BICRA: variants seen among roughly 807,000 people sequenced by gnomAD.
BICRA encodes BRD4 interacting chromatin remodeling complex associated protein.
BICRA carries 31 observed loss-of-function variants against 96.9 expected under a neutral mutation model. The observed-to-expected ratio is 0.32, with a 90% confidence interval of 0.24 to 0.43. BICRA has a LOEUF of 0.43. Ranked by LOEUF, BICRA falls within the 20% of genes least tolerant of loss-of-function variation. The pLI, the probability that BICRA is intolerant of heterozygous loss-of-function variation, is 1.00. For missense variants in BICRA, 2,283 were observed against 2,190.3 expected (o/e 1.04, Z -0.84); for synonymous variants, 1,350 against 1,071.8 (o/e 1.26, Z -5.07).
intron 1 of BICRA, among the ~76,000 whole-genome samples, chr19:47,668,848 A>C (rs1486939117): frequency 2.0e-5 from 3 of 151,646 alleles, no homozygotes; most frequent in Non-Finnish European, 4.4e-5. Flanking sequence ...GGCCAGGCGC[A>C]GTGGCTCACT....
At chr19:47,634,001 A>G (rs1375698211) in intron 1 of BICRA, among the ~76,000 whole-genome samples, 1 of 152,220 alleles carries the variant, frequency 6.6e-6, no homozygotes, top group African/African-American at 2.4e-5. Context: ...AGAGGTTTCC[A>G]CTAAAAGATC....
intron 1 of BICRA, among the ~76,000 whole-genome samples, chr19:47,648,679 G>GT (rs1257129365): frequency 3.5e-5 from 5 of 144,056 alleles, no homozygotes; most frequent in African/African-American, 1.3e-4. Context: ...TTTTTTTTTT[G>GT]TTTGTTTTTT....
intron 1 of BICRA, among the ~76,000 whole-genome samples, chr19:47,658,193 A>G (rs998653300): frequency 5.9e-5 from 9 of 152,102 alleles, no homozygotes; most frequent in African/African-American, 2.2e-4. Context: ...AGGGGTCTGC[A>G]CTCACTATGG....
At position 47,680,962 on chromosome 19, in the gene BICRA, AC is replaced by A; in HGVS notation, c.1797del (p.Asp600ThrfsTer124). The A allele has an allele frequency of 6.8e-7, 1 of 1,466,334 alleles. No individual in the cohort carries two copies. The highest frequency in any genetic ancestry group is 1.5e-5 in the African/African-American group (1 of 65,754). 90.8% of individuals were successfully genotyped at this position (1,466,334 alleles called of 1,614,324 possible). On this transcript the variant is annotated frameshift_variant, in exon 6 of 15. Transcript: ENST00000594866. LOFTEE classifies it high-confidence loss of function. Reference sequence around the variant, plus strand: ...CCCCAGCGCCGTGGCCATGCTCAACACCCCCGACGGCCTGGTGCAGCCGGCC... The same window carrying A: ...CCCCAGCGCCGTGGCCATGCTCAACACCCCGACGGCCTGGTGCAGCCGGCC... ...LPPSAVAMLN[T>X]PDGLVQPATP...
rs768646880 is a variant in BICRA at position 47,680,184 on chromosome 19, G to A, written c.1014G>A (p.Pro338=). ...GCCTCGGCTCGTCGCCACTGGTCCC[G>A]GCGCCCAACGTGATCCTGCATCGCA... ...APGLGSSPLV[P]APNVILHRTP... is the part of the protein sequence containing the mutation. The change falls in exon 6 of 15, where the codon CCG becomes CCA. Residue 338 remains proline, a synonymous_variant. Coordinates refer to ENST00000594866, the MANE Select transcript of BICRA (RefSeq NM_001394372.1). 57 of 1,541,980 alleles carry A rather than the reference G, an allele frequency of 3.7e-5. No individual in the cohort carries two copies. Among genetic ancestry groups the A allele is most frequent in the Non-Finnish European group, 4.5e-5 (52 of 1,152,922 alleles).
At chr19:47,685,780 TGTGTGTGCGC>T (rs58364395) in intron 7 of BICRA, among the ~76,000 whole-genome samples, 3,184 of 130,998 alleles carry the variant, frequency 0.024, 105 homozygotes, top group African/African-American at 0.089. Flanking sequence ...TGTGTGTGTG[TGTGTGTGCGC>T]GCGCGCGCGC....
intron 1 of BICRA, among the ~76,000 whole-genome samples, chr19:47,659,712 A>C (rs1274768795): frequency 6.8e-6 from 1 of 147,942 alleles, no homozygotes; most frequent in Non-Finnish European, 1.5e-5. Context: ...ACACACACAC[A>C]CACACACACA....
At chr19:47,657,240 AT>A (rs1282330984) in intron 1 of BICRA, among the ~76,000 whole-genome samples, 1 of 152,166 alleles carries the variant, frequency 6.6e-6, no homozygotes, top group African/African-American at 2.4e-5. Context: ...AGCATGATCC[AT>A]TTAAGACCCA....
At chr19:47,634,640 C>G (rs1165226696) in intron 1 of BICRA, among the ~76,000 whole-genome samples, 2 of 152,038 alleles carry the variant, frequency 1.3e-5, no homozygotes, top group South Asian at 4.2e-4. Flanking sequence ...ACAAAGCCTG[C>G]TTCTCTCCAT....
At chr19:47,637,697 C>G (rs911978893) in intron 1 of BICRA, among the ~76,000 whole-genome samples, 4 of 152,200 alleles carry the variant, frequency 2.6e-5, no homozygotes, top group African/African-American at 9.6e-5. Context: ...AGCCACTCCC[C>G]ATCCCCTGCT....
chr19:47,702,510 T>C lies in BICRA; in HGVS notation c.*95T>C. ...GCCTCCTGGGGACTCGAGCCGGGGA[T>C]CCCCTGACGGTTTTTCTTGCCTAAG... On this transcript the variant is annotated 3_prime_UTR_variant, in exon 15 of 15. Transcript: ENST00000594866. 2 of 1,348,206 alleles carry C rather than the reference T, an allele frequency of 1.5e-6. No individual in the cohort carries two copies. The highest frequency in any genetic ancestry group is 1.9e-6 in the Non-Finnish European group (2 of 1,048,494). The allele number at this position is 1,348,206 out of a possible 1,614,324, so 83.5% of individuals were successfully genotyped here.
At position 47,623,330 on chromosome 19, in the gene BICRA, T is replaced by C. The variant is rs974131945; in HGVS notation, c.-108+14162T>C. Among the ~76,000 whole-genome samples the C allele has an allele frequency of 5.3e-5, 8 of 152,246 alleles. No individual in the cohort carries two copies. The East Asian group carries it at 1.5e-3, about 29-fold the overall frequency. ...GCCTTGTTGGTTACCTGTCCCTCCC[T>C]GCTGCTCCTCCCTGCTGTGCGCTCC... is the stretch of plus-strand genomic sequence containing the variant. On this transcript the variant is annotated intron_variant, in intron 1 of 14. Transcript: ENST00000594866.
Position 47,698,934 on chromosome 19 carries a change from T to TC in BICRA, c.3398-29dup, listed in dbSNP as rs771825089. The TC allele has an allele frequency of 2.8e-5, 42 of 1,521,738 alleles. No homozygotes were observed. Among genetic ancestry groups the TC allele is most frequent in the Admixed American group, 3.8e-5 (2 of 51,958 alleles). 94.3% of individuals were successfully genotyped at this position (1,521,738 alleles called of 1,614,324 possible). A position where few individuals can be genotyped will look rare whatever the true frequency, so the allele number is the denominator to read the frequency against. ...CGCATCCGCGGCCGCCCCCAACATCTCCGCCCTTGCCTCTCTTCCCTTCCT... is the reference window on the plus strand; with the variant it reads ...CGCATCCGCGGCCGCCCCCAACATCTCCCGCCCTTGCCTCTCTTCCCTTCCT... On this transcript the variant is annotated intron_variant, in intron 12 of 14. Transcript: ENST00000594866. This position sits in a 1 kb window ranked among gnomAD's most constrained non-coding sequence, Gnocchi z 4.8.
At position 47,682,071 on chromosome 19, in the gene BICRA, C is replaced by T. The variant is rs772541188; in HGVS notation, c.2202C>T (p.Ala734=). ...VSAPPPAQDP[A]PATPVAKGAG... is the part of the protein sequence containing the mutation. Reference sequence around the variant, plus strand: ...CCCCGCCTCCCGCCCAAGACCCAGCCCCAGCCACCCCCGTCGCCAAAGGAG... The same window carrying T: ...CCCCGCCTCCCGCCCAAGACCCAGCTCCAGCCACCCCCGTCGCCAAAGGAG... Residue 734 remains alanine (A), a synonymous_variant, in exon 7 of 15, where the codon GCC becomes GCT. Coordinates refer to ENST00000594866, the MANE Select transcript of BICRA (RefSeq NM_001394372.1). 13 of 1,524,672 alleles carry T rather than the reference C, an allele frequency of 8.5e-6. No homozygotes were observed. In the South Asian group the frequency reaches 1.3e-4, roughly 15 times the overall value. 94.4% of individuals were successfully genotyped at this position (1,524,672 alleles called of 1,614,324 possible).
At position 47,701,368 on chromosome 19, in the gene BICRA, C is replaced by T. The variant is rs368662959; in HGVS notation, c.3636C>T (p.Ile1212=). Residue 1212 remains isoleucine, a synonymous_variant, in exon 15 of 15, where the codon ATC becomes ATT. Coordinates refer to ENST00000594866, the MANE Select transcript of BICRA (RefSeq NM_001394372.1). The surrounding 1 kb of genome is among the most constrained non-coding windows in gnomAD (Gnocchi z 5.4). ...CCTCCCGCTCGCTCGGCCTCCCCATCGCAGCCTCTTCCGAGGGTCATCGGC... is the reference window on the plus strand; with the variant it reads ...CCTCCCGCTCGCTCGGCCTCCCCATTGCAGCCTCTTCCGAGGGTCATCGGC... ...VSSSRSLGLP[I]AASSEGHRLP... is the part of the protein sequence containing the mutation. 8.7e-6 allele frequency: 14 copies of T among 1,611,430 alleles called. No individual in the cohort carries two copies. The highest frequency in any genetic ancestry group is 1.7e-4 in the Middle Eastern group (1 of 6,060).
intron 1 of BICRA, among the ~76,000 whole-genome samples, chr19:47,630,130 C>T (rs574929538): frequency 2.4e-3 from 352 of 147,790 alleles, no homozygotes; most frequent in Non-Finnish European, 4.0e-3. Context: ...CTCGTTACCT[C>T]TATTCTACTC....
intron 1 of BICRA, among the ~76,000 whole-genome samples, chr19:47,640,532 G>GA (rs11292760): frequency 2.3e-3 from 249 of 110,472 alleles, no homozygotes; most frequent in Non-Finnish European, 2.5e-3. Flanking sequence ...TGTCTCAAAA[G>GA]AAAAAAAAAA....
intron 1 of BICRA, among the ~76,000 whole-genome samples, chr19:47,613,465 G>A (rs74966655): frequency 0.064 from 9,684 of 152,218 alleles, 404 homozygotes; most frequent in Non-Finnish European, 0.099. Flanking sequence ...GAGAGGGGTG[G>A]GGAGTATGGT....
chr19:47,619,211 T>TAC (rs1555784010), intron 1 of BICRA, among the ~76,000 whole-genome samples: 10 of 140,816 alleles, frequency 7.1e-5, no homozygotes, highest in East Asian at 2.1e-4. Flanking sequence ...CATATATATA[T>TAC]ACACATTTTT....
Sources: gnomAD v4.1 joint callset for allele counts (sites outside exome capture counted in the v4.1 genomes callset) on GRCh38, gnomAD v4.1.1 for gene constraint, Gnocchi (gnomAD v3.1) non-coding constraint, MANE v1.5 for transcripts, NCBI Gene and HGNC (gene_info 2026-07-23, HGNC 2026-07-21) for gene names.